Variants in TMLHE observed in about 807,000 individuals in gnomAD.
TMLHE encodes trimethyllysine hydroxylase, epsilon.
A neutral mutation model predicts 25.7 loss-of-function variants in TMLHE; 18 were observed. That is an observed-to-expected ratio of 0.70 (90% CI 0.48 to 1.04). TMLHE has a LOEUF of 1.04. Ranked by LOEUF, TMLHE falls within the 50% of genes least tolerant of loss-of-function variation. The pLI, the probability that TMLHE is intolerant of heterozygous loss-of-function variation, is 0.00. For missense variants in TMLHE, 236 were observed against 259.0 expected, an observed-to-expected ratio of 0.91 and a Z score of 0.61; for synonymous variants, 105 against 97.0, an observed-to-expected ratio of 1.08 and a Z score of -0.49.
intron 1 of TMLHE, among the ~76,000 whole-genome samples, chrX:155,555,382 G>T (rs782388672): frequency 9.1e-6 from 1 of 109,842 alleles, no homozygotes; most frequent in Non-Finnish European, 1.9e-5. Context: ...TAATCCTTTG[G>T]GTATATACCT....
At chrX:155,523,558 T>C (rs1280982521) in intron 3 of TMLHE, among the ~76,000 whole-genome samples, 3 of 111,870 alleles carry the variant, frequency 2.7e-5, no homozygotes, top group Non-Finnish European at 1.9e-5. Flanking sequence ...AATACCACAT[T>C]GTCTTGATTA....
intron 5 of TMLHE, 113 bp from the exon 6 acceptor site, chrX:155,507,247 CT>C: frequency 1.8e-6 from 1 of 554,893 alleles, no homozygotes; most frequent in Non-Finnish European, 2.9e-6. Context: ...TTTTCATTTC[CT>C]AATTGGAAAT....
At chrX:155,559,013 G>C (rs2067477030) in intron 1 of TMLHE, among the ~76,000 whole-genome samples, 1 of 111,438 alleles carries the variant, frequency 9.0e-6, no homozygotes, top group African/African-American at 3.3e-5. Flanking sequence ...TAACTTAAGA[G>C]ACATTTAGCT....
chrX:155,548,230 CA>C (rs1350332426), intron 1 of TMLHE, among the ~76,000 whole-genome samples: 1 of 111,492 alleles, frequency 9.0e-6, no homozygotes. Context: ...GCAAGCTAAG[CA>C]AAAATGGACA....
At chrX:155,559,610 G>A (rs1603063499) in intron 1 of TMLHE, among the ~76,000 whole-genome samples, 1 of 111,888 alleles carries the variant, frequency 8.9e-6, no homozygotes, top group East Asian at 2.8e-4. Context: ...GTCAGAGTAG[G>A]CAATTACATA....
chrX:155,514,176 T>A lies in TMLHE; in HGVS notation c.448A>T (p.Ile150Leu), dbSNP rs150004266. The change falls in exon 4 of 8, where the codon ATA becomes TTA. Residue 150 changes from isoleucine (I) to leucine (L), a missense_variant. Coordinates refer to ENST00000334398, the MANE Select transcript of TMLHE (RefSeq NM_018196.4). ...GQKQKVIQPR[I>L]LWNAEIYQQA... is the part of the protein sequence containing the mutation. ...TGGTAGATTTCAGCATTCCATAGTATTCTAGGCTGGATGACTTTTTGTTTC... is the reference window on the plus strand; with the variant it reads ...TGGTAGATTTCAGCATTCCATAGTAATCTAGGCTGGATGACTTTTTGTTTC... 356 of 1,209,452 alleles carry A rather than the reference T, an allele frequency of 2.9e-4. No individual in the cohort carries two copies. Among genetic ancestry groups the A allele is most frequent in the Non-Finnish European group, 3.8e-4 (343 of 894,858 alleles).
intron 4 of TMLHE, among the ~76,000 whole-genome samples, chrX:155,513,227 A>G (rs1465547745): frequency 8.9e-6 from 1 of 111,774 alleles, no homozygotes; most frequent in Non-Finnish European, 1.9e-5. Flanking sequence ...GTAGGTTGAC[A>G]TCACACTTAA....
At chrX:155,512,400 T>A (rs1387383858) in intron 4 of TMLHE, among the ~76,000 whole-genome samples, 3 of 102,095 alleles carry the variant, frequency 2.9e-5, no homozygotes, top group Non-Finnish European at 3.9e-5. Context: ...TTCCCACCTA[T>A]GAGTGAGAAT....
chrX:155,547,520 A>G (rs1240217572), intron 1 of TMLHE, among the ~76,000 whole-genome samples: 5 of 111,593 alleles, frequency 4.5e-5, no homozygotes, highest in African/African-American at 1.6e-4. Flanking sequence ...AGATGTTCAC[A>G]AACTAGCAGG....
At chrX:155,560,040 T>G (rs181546110) in intron 1 of TMLHE, among the ~76,000 whole-genome samples, 1 of 112,549 alleles carries the variant, frequency 8.9e-6, no homozygotes, top group East Asian at 2.8e-4. Flanking sequence ...AAAACATGTA[T>G]GACAATCATT....
At chrX:155,571,135 A>T in intron 1 of TMLHE, among the ~76,000 whole-genome samples, 1 of 57,318 alleles carries the variant, frequency 1.7e-5, no homozygotes, top group Non-Finnish European at 4.5e-5. Flanking sequence ...GACGCAATAA[A>T]AAATGATAAA....
rs958103587 is a variant in TMLHE, at chrX:155,526,588, G to A, written c.182-1956C>T. Among the ~76,000 whole-genome samples the A allele has an allele frequency of 4.5e-5, 5 of 111,869 alleles. No individual in the cohort carries two copies. The Admixed American group carries it at 4.7e-4, about 10-fold the overall frequency. On this transcript the variant is annotated intron_variant, in intron 2 of 7. Coordinates refer to ENST00000334398, the MANE Select transcript of TMLHE (RefSeq NM_018196.4). Reference sequence around the variant, plus strand: ...CTGCCTAGTGGAACTATGAGAAGAGGGCCACCATCCTCCAGACCCCAGAAT... The same window carrying A: ...CTGCCTAGTGGAACTATGAGAAGAGAGCCACCATCCTCCAGACCCCAGAAT...
intron 2 of TMLHE, among the ~76,000 whole-genome samples, chrX:155,540,771 C>G (rs2067305655): frequency 9.0e-6 from 1 of 111,018 alleles, no homozygotes; most frequent in African/African-American, 3.3e-5. Context: ...TGTTGAAGTA[C>G]TGGGATTCCT....
At chrX:155,525,657 T>C (rs1317109258) in intron 2 of TMLHE, among the ~76,000 whole-genome samples, 1 of 112,112 alleles carries the variant, frequency 8.9e-6, no homozygotes, top group Non-Finnish European at 1.9e-5. Context: ...ACTTCTTGAA[T>C]AGTTTTGACC....
chrX:155,547,295 C>T (rs2067355166), intron 1 of TMLHE, among the ~76,000 whole-genome samples: 1 of 94,635 alleles, frequency 1.1e-5, no homozygotes, highest in Non-Finnish European at 2.2e-5. Flanking sequence ...CAGGCACCTG[C>T]CACCACGCCC....
chrX:155,569,498 C>A (rs1603070867), intron 1 of TMLHE, among the ~76,000 whole-genome samples: 1 of 56,440 alleles, frequency 1.8e-5, no homozygotes, highest in South Asian at 9.8e-4. Context: ...CACAAAGATA[C>A]TCCTTGAGAA....
rs1361859938 is a variant in TMLHE at position 155,560,603 on chromosome X, G to GTAAAACACA, written c.-1-15327_-1-15326insTGTGTTTTA. On this transcript the variant is annotated intron_variant, in intron 1 of 7. Coordinates refer to ENST00000334398, the MANE Select transcript of TMLHE (RefSeq NM_018196.4). The stretch of plus-strand genomic sequence containing the variant: ...GGAGTTAGTCATAAGGATATCTGGG[G>GTAAAACACA]TAAAGTAGACTAGGCAGAGGGGATA... Among the ~76,000 whole-genome samples, 39 of 48,349 alleles carry GTAAAACACA rather than the reference G, an allele frequency of 8.1e-4. 14 individuals are homozygous for GTAAAACACA. Among genetic ancestry groups the GTAAAACACA allele is most frequent in the Non-Finnish European group, 2.6e-3 (39 of 15,176 alleles). 42.0% of individuals were successfully genotyped at this position (48,349 alleles called of 115,157 possible). A position where few individuals can be genotyped will look rare whatever the true frequency, so the allele number is the denominator to read the frequency against.
At chrX:155,504,388 C>G (rs1557332454) in intron 6 of TMLHE, among the ~76,000 whole-genome samples, 1 of 84,932 alleles carries the variant, frequency 1.2e-5, no homozygotes, top group South Asian at 6.9e-4. Flanking sequence ...TATAAGCAAA[C>G]AAAGCAAAGA....
At chrX:155,593,967 C>CATA (rs1308840518) in intron 1 of TMLHE, among the ~76,000 whole-genome samples, 2 of 110,585 alleles carry the variant, frequency 1.8e-5, no homozygotes, top group Non-Finnish European at 3.8e-5. Context: ...TTAACATTTG[C>CATA]ATAATAATAA....
Sources: gnomAD v4.1 joint callset for allele counts (sites outside exome capture counted in the v4.1 genomes callset) on GRCh38, gnomAD v4.1.1 for gene constraint, MANE v1.5 for transcripts, NCBI Gene and HGNC (gene_info 2026-07-23, HGNC 2026-07-21) for gene names.